Variants in PARG observed in about 807,000 individuals in gnomAD.
The protein encoded by PARG is poly(ADP-ribose) glycohydrolase, also known as mitochondrial poly(ADP-ribose) glycohydrolase.
PARG carries 35 observed loss-of-function variants against 113.0 expected under a neutral mutation model. That is an observed-to-expected ratio of 0.31 (90% CI 0.24 to 0.41). PARG has a LOEUF of 0.41. PARG is among the 10% of genes least tolerant of loss of function. PARG has a pLI of 1.00. For synonymous variants in PARG, 330 were observed against 409.9 expected, an observed-to-expected ratio of 0.81 and a Z score of 2.36; for missense variants, 797 against 1,169.4, an observed-to-expected ratio of 0.68 and a Z score of 4.64.
intron 7 of PARG, among the ~76,000 whole-genome samples, chr10:49,908,143 A>G (rs1554845418): frequency 6.6e-6 from 1 of 152,224 alleles, no homozygotes; most frequent in African/African-American, 2.4e-5. Context: ...TAGTGCATAG[A>G]GGGCTCAACT....
At chr10:49,856,262 C>T (rs1845982665) in intron 13 of PARG, among the ~76,000 whole-genome samples, 1 of 151,760 alleles carries the variant, frequency 6.6e-6, no homozygotes, top group Admixed American at 6.6e-5. Context: ...TCACTGCAAC[C>T]TCTGCCTCCC....
intron 7 of PARG, among the ~76,000 whole-genome samples, chr10:49,913,107 A>G (rs1837289269): frequency 6.6e-6 from 1 of 152,200 alleles, no homozygotes; most frequent in African/African-American, 2.4e-5. Flanking sequence ...CCACCTATAT[A>G]GGTATGTCTG....
At chr10:49,897,754 C>T (rs769945658) in intron 7 of PARG, among the ~76,000 whole-genome samples, 38 of 152,166 alleles carry the variant, frequency 2.5e-4, no homozygotes, top group Non-Finnish European at 5.1e-4. Flanking sequence ...ACACCTATAA[C>T]CCCAGTATTT....
At chr10:49,862,285 C>T (rs34779874) in intron 11 of PARG, among the ~76,000 whole-genome samples, 28,294 of 151,102 alleles carry the variant, frequency 0.19, 3,132 homozygotes, top group Non-Finnish European at 0.27. Flanking sequence ...TCCATTGTAT[C>T]AAAAGTATTT....
At position 49,841,439 on chromosome 10, in the gene PARG, C is replaced by A. The variant is rs1469731490; in HGVS notation, c.2541+511G>T. On this transcript the variant is annotated intron_variant, in intron 15 of 17. Transcript: ENST00000616448. ...GAAAATTTGAACAACAGGTATGGTT[C>A]ATTTTTATATTTCTGTAATAAAAAA... Among the ~76,000 whole-genome samples the A allele has an allele frequency of 2.0e-5, 3 of 151,946 alleles. No homozygotes were observed. The East Asian group carries it at 5.8e-4, about 29-fold the overall frequency.
rs1837458692 is a variant in PARG at position 49,916,091 on chromosome 10, T to A, written c.1663-100A>T. 3 of 719,474 alleles carry A rather than the reference T, an allele frequency of 4.2e-6. No homozygotes were observed. In the African/African-American group the frequency reaches 5.3e-5, roughly 13 times the overall value. The allele number at this position is 719,474 out of a possible 1,614,324, so 44.6% of individuals were successfully genotyped here. A position where few individuals can be genotyped will look rare whatever the true frequency, so the allele number is the denominator to read the frequency against. On this transcript the variant is annotated intron_variant, in intron 6 of 17. Transcript: ENST00000616448. ...GAATTACCTCCAGTACATTTCATAA[T>A]GTTAGACAAGCTTCCTACTACCTCC...
At chr10:49,843,913 G>A (rs1178754361) in intron 13 of PARG, among the ~76,000 whole-genome samples, 1 of 152,106 alleles carries the variant, frequency 6.6e-6, no homozygotes, top group Non-Finnish European at 1.5e-5. Flanking sequence ...TAATCCCAGA[G>A]GCGGGTGGAT....
intron 7 of PARG, among the ~76,000 whole-genome samples, chr10:49,888,998 T>C (rs1847633321): frequency 6.6e-6 from 1 of 152,088 alleles, no homozygotes; most frequent in Non-Finnish European, 1.5e-5. Context: ...GTCTATTCCA[T>C]TTTAAAAATT....
In PARG at chr10:49,920,571, C is replaced by T. The variant is rs1225842838; in HGVS notation, c.1662+1765G>A. Among the ~76,000 whole-genome samples, 11 of 116,490 alleles carry T rather than the reference C, an allele frequency of 9.4e-5. No individual in the cohort carries two copies. The South Asian group carries it at 1.1e-3, about 11-fold the overall frequency. The allele number at this position is 116,490 out of a possible 152,430, so 76.4% of individuals were successfully genotyped here. On this transcript the variant is annotated intron_variant, in intron 6 of 17. Coordinates refer to ENST00000616448, the MANE Select transcript of PARG (RefSeq NM_003631.5). ...ATATATACATATATACGTATATATACGTGTATATATATACACATATATACA... is the reference window on the plus strand; with the variant it reads ...ATATATACATATATACGTATATATATGTGTATATATATACACATATATACA...
chr10:49,848,341 C>T (rs1424235478), intron 13 of PARG, among the ~76,000 whole-genome samples: 1 of 148,182 alleles, frequency 6.7e-6, no homozygotes. Context: ...GAGTGAGACT[C>T]TGTCTCAAAA....
At position 49,819,301 on chromosome 10, in the gene PARG, C is replaced by G; in HGVS notation, c.*39G>C. The G allele has an allele frequency of 6.6e-7, 1 of 1,523,986 alleles. No individual in the cohort carries two copies. The highest frequency in any genetic ancestry group is 8.9e-7 in the Non-Finnish European group (1 of 1,127,016). 94.4% of individuals were successfully genotyped at this position (1,523,986 alleles called of 1,614,324 possible). Reference sequence around the variant, plus strand: ...ACCTGACAGCTCAAACAGGACGTCTCTGGTGGGAGGTGGGAGGAGATGCTA... The same window carrying G: ...ACCTGACAGCTCAAACAGGACGTCTGTGGTGGGAGGTGGGAGGAGATGCTA... On this transcript the variant is annotated 3_prime_UTR_variant, in exon 18 of 18. Transcript: ENST00000616448.
intron 15 of PARG, among the ~76,000 whole-genome samples, chr10:49,837,978 C>T (rs1845026453): frequency 6.6e-6 from 1 of 152,270 alleles, no homozygotes; most frequent in East Asian, 1.9e-4. Flanking sequence ...TTGCTCACAG[C>T]AGAAGTTTAT....
intron 6 of PARG, among the ~76,000 whole-genome samples, chr10:49,918,970 G>A (rs1345050203): frequency 2.0e-5 from 3 of 151,492 alleles, no homozygotes; most frequent in African/African-American, 7.3e-5. Context: ...ATGGAGTTTC[G>A]CTCTTTGTTG....
chr10:49,873,528 G>T (rs1259887963), intron 9 of PARG, among the ~76,000 whole-genome samples: 3 of 150,848 alleles, frequency 2.0e-5, no homozygotes, highest in African/African-American at 7.3e-5. Flanking sequence ...AGTTCCAGTT[G>T]TGCTAACAAT....
At chr10:49,876,952 AC>A (rs1351305822) in intron 9 of PARG, among the ~76,000 whole-genome samples, 8 of 151,562 alleles carry the variant, frequency 5.3e-5, no homozygotes, top group Non-Finnish European at 7.4e-5. Context: ...AAAAAAAAAA[AC>A]TATCCTGTTT....
At chr10:49,853,966 A>C (rs2132505393) in intron 13 of PARG, among the ~76,000 whole-genome samples, 1 of 151,570 alleles carries the variant, frequency 6.6e-6, no homozygotes, top group African/African-American at 2.4e-5. Flanking sequence ...CTCCTCCATG[A>C]AAGCAATGTG....
chr10:49,862,245 G>C (rs1347528633), intron 11 of PARG, among the ~76,000 whole-genome samples: 3 of 151,614 alleles, frequency 2.0e-5, no homozygotes, highest in Non-Finnish European at 4.4e-5. Flanking sequence ...GGCCACTGAG[G>C]TATTGACTTA....
At chr10:49,913,062 T>C (rs1166609191) in intron 7 of PARG, among the ~76,000 whole-genome samples, 2 of 152,230 alleles carry the variant, frequency 1.3e-5, no homozygotes. Context: ...AAACAATTGT[T>C]TCCCTTGCGC....
At chr10:49,923,025 T>C (rs1367412187) in intron 4 of PARG, among the ~76,000 whole-genome samples, 1 of 152,268 alleles carries the variant, frequency 6.6e-6, no homozygotes, top group Non-Finnish European at 1.5e-5. Flanking sequence ...TATACTCTGA[T>C]TCTAAGTGTC....
Sources: gnomAD v4.1 joint callset for allele counts (sites outside exome capture counted in the v4.1 genomes callset) on GRCh38, gnomAD v4.1.1 for gene constraint, MANE v1.5 for transcripts, NCBI Gene and HGNC (gene_info 2026-07-23, HGNC 2026-07-21) for gene names.